Variants in FTCD observed in about 807,000 individuals in gnomAD.
FTCD encodes the protein formimidoyltransferase-cyclodeaminase.
Under a neutral mutation model 62.9 loss-of-function variants are expected in FTCD, and 76 were observed. The ratio of observed to expected loss-of-function variants is 1.21; its 90% confidence interval spans 1.00 to 1.46. The LOEUF is 1.46. Ranked by LOEUF, FTCD falls within the 40% of genes most tolerant of loss-of-function variation. The pLI is 0.00. For synonymous variants in FTCD, 397 were observed against 336.9 expected (o/e 1.18, Z -1.95); for missense variants, 845 against 751.3 (o/e 1.12, Z -1.46).
chr21:46,148,255 C>T (rs2079193921), intron 7 of FTCD, among the ~76,000 whole-genome samples: 1 of 152,102 alleles, frequency 6.6e-6, no homozygotes. Context: ...CACGTCGGCA[C>T]CCTGAGAAAA....
At position 46,145,860 on chromosome 21, in the gene FTCD, C is replaced by A. The variant is rs1467740731; in HGVS notation, c.1056G>T (p.Ala352=). The change falls in exon 9 of 14, where the codon GCG becomes GCT. Residue 352 remains alanine (A), a synonymous_variant. Coordinates refer to ENST00000397746, the MANE Select transcript of FTCD (RefSeq NM_206965.2). The stretch of plus-strand genomic sequence containing the variant: ...CCGCCACCGAGCCGCCCCCGGGGGC[C>A]GCAGAGCGGGCACCCACCTCCCCCA... The part of the protein sequence containing the change: ...AFVGEVGARS[A]APGGGSVAAA... 7.1e-6 allele frequency: 10 copies of A among 1,404,610 alleles called. No homozygotes were observed. The highest frequency in any genetic ancestry group is 9.2e-6 in the Non-Finnish European group (10 of 1,086,230). The allele number at this position is 1,404,610 out of a possible 1,614,324, so 87.0% of individuals were successfully genotyped here. A position where few individuals can be genotyped will look rare whatever the true frequency, so the allele number is the denominator to read the frequency against.
intron 10 of FTCD, chr21:46,142,251 G>A (rs910170809): frequency 6.6e-6 from 1 of 151,824 alleles, no homozygotes; most frequent in South Asian, 2.1e-4. Flanking sequence ...CTGACTTCAG[G>A]AGTGAAGCCG....
Position 46,138,526 on chromosome 21 carries a change from G to A in FTCD, c.1425C>T (p.Ala475=), listed in dbSNP as rs780933856. The change falls in exon 12 of 14, where the codon GCC becomes GCT. Residue 475 remains alanine (A), a synonymous_variant. Transcript: ENST00000397746. ...LQELARCGNL[A]CRSDLQVAAK... is the part of the protein sequence containing the mutation. The stretch of plus-strand genomic sequence containing the variant: ...CCCCTACCTGGAGGTCTGACCGGCA[G>A]GCCAGGTTCCCACACCGGGCCAGTT... 8.2e-6 allele frequency: 13 copies of A among 1,586,696 alleles called. No individual in the cohort carries two copies. The highest frequency in any genetic ancestry group is 1.3e-5 in the African/African-American group (1 of 74,702).
chr21:46,152,660 A>G lies in FTCD; in HGVS notation c.367+247T>C, dbSNP rs903776577. ...TTCTGCTCTAGAAGGCGTGGACTTT[A>G]AGGCTCTTGGTTTGCCTGTGCAGCT... is the stretch of plus-strand genomic sequence containing the variant. On this transcript the variant is annotated intron_variant, in intron 3 of 13. Coordinates refer to ENST00000397746, the MANE Select transcript of FTCD (RefSeq NM_206965.2). 3.3e-5 allele frequency: 15 copies of G among 450,732 alleles called. No homozygotes were observed. In the Admixed American group the frequency reaches 5.0e-4, roughly 15 times the overall value. 27.9% of individuals were successfully genotyped at this position (450,732 alleles called of 1,614,324 possible). A position where few individuals can be genotyped will look rare whatever the true frequency, so the allele number is the denominator to read the frequency against.
At chr21:46,152,746 A>G in intron 3 of FTCD, 161 bp downstream of exon 3, 1 of 617,688 alleles carries the variant, frequency 1.6e-6, no homozygotes, top group Non-Finnish European at 2.7e-6. Context: ...GGCTGCGTTT[A>G]TTTCGGTATT....
intron 10 of FTCD, among the ~76,000 whole-genome samples, chr21:46,139,236 T>C (rs1480319670): frequency 1.3e-5 from 2 of 152,108 alleles, no homozygotes; most frequent in Non-Finnish European, 2.9e-5. Flanking sequence ...CCTCAGAACC[T>C]GTAGGCAGGA....
chr21:46,150,399 G>C lies in FTCD; in HGVS notation c.763C>G (p.Arg255Gly), dbSNP rs140217223. 3 of 1,612,736 alleles carry C rather than the reference G, an allele frequency of 1.9e-6. No individual in the cohort carries two copies. Among genetic ancestry groups the C allele is most frequent in the African/African-American group, 1.3e-5 (1 of 74,900 alleles). Residue 255 changes from arginine (R) to glycine (G), a missense_variant, in exon 6 of 14, where the codon CGA (arginine) becomes GGA (glycine). Transcript: ENST00000397746. ...GCTCCCGGGCTCACCTGTGCTTCTC[G>C]GCAGGTCTCCTCGTAGACCGTGTGC... ...ALHTVYEETC[R>G]EAQELSLPVV...
intron 1 of FTCD, among the ~76,000 whole-genome samples, chr21:46,154,676 G>A (rs958123046): frequency 2.6e-5 from 4 of 152,218 alleles, no homozygotes; most frequent in African/African-American, 4.8e-5. Context: ...CAGAGGGGCC[G>A]GGACCCCCAC....
chr21:46,136,339 G>A, downstream of FTCD: 5 of 1,152,220 alleles, frequency 4.3e-6, no homozygotes, highest in East Asian at 2.5e-5. Context: ...GAGGCAGGGA[G>A]GAAAAGTCTC....
chr21:46,151,868 C>T (rs574574063), intron 4 of FTCD, 24 bp downstream of exon 4: 1 of 1,553,506 alleles, frequency 6.4e-7, no homozygotes, highest in Non-Finnish European at 8.7e-7. Context: ...CCTTCCCAGG[C>T]CCGACCGCCC....
At chr21:46,141,716 TAAA>T (rs111415592) in intron 10 of FTCD, among the ~76,000 whole-genome samples, 1 of 145,184 alleles carries the variant, frequency 6.9e-6, no homozygotes, top group African/African-American at 2.5e-5. Flanking sequence ...CCTCCCCTAT[TAAA>T]AAAAAAAAAT....
chr21:46,138,870 C>G lies in FTCD; in HGVS notation c.1304+10G>C. On this transcript the variant is annotated intron_variant, in intron 11 of 13. Transcript: ENST00000397746. ...AGAGGCCCACGGTGCGGCCGGCCCTCCAGGCTCACCTGTCCTTTTCCTCAG... is the reference window on the plus strand; with the variant it reads ...AGAGGCCCACGGTGCGGCCGGCCCTGCAGGCTCACCTGTCCTTTTCCTCAG... 6.2e-7 allele frequency: 1 copy of G among 1,610,010 alleles called. No individual in the cohort carries two copies. Among genetic ancestry groups the G allele is most frequent in the South Asian group, 1.1e-5 (1 of 91,016 alleles).
intron 10 of FTCD, 72 bp downstream of exon 10, chr21:46,145,345 T>C: frequency 7.7e-7 from 1 of 1,302,368 alleles, no homozygotes; most frequent in South Asian, 1.4e-5. Flanking sequence ...GCTGACCCGC[T>C]TCTCACTGGG....
chr21:46,149,434 A>G (rs568467508), intron 7 of FTCD, among the ~76,000 whole-genome samples: 23 of 152,364 alleles, frequency 1.5e-4, no homozygotes, highest in Non-Finnish European at 3.1e-4. Flanking sequence ...ACAAGTCACG[A>G]GAGCTAAATC....
At chr21:46,146,718 A>C in intron 7 of FTCD, 2 of 278,148 alleles carry the variant, frequency 7.2e-6, no homozygotes, top group Non-Finnish European at 1.4e-5. Flanking sequence ...CACATCTAAC[A>C]AGTCCTCAAA....
At chr21:46,152,827 A>C (rs1444167593) in intron 3 of FTCD, 80 bp downstream of exon 3, 1 of 1,236,972 alleles carries the variant, frequency 8.1e-7, no homozygotes, top group African/African-American at 1.5e-5. Flanking sequence ...AAGGGCAGGG[A>C]ACTGGGGGAT....
rs1861317875 is a variant in FTCD, at chr21:46,138,611, G to GC, written c.1339dup (p.Ala447GlyfsTer65). 6.3e-7 allele frequency: 1 copy of GC among 1,592,412 alleles called. No individual in the cohort carries two copies. The highest frequency in any genetic ancestry group is 8.5e-7 in the Non-Finnish European group (1 of 1,176,474). ...CGCCAGCGTCAGCGGCACAGAGACT[G>GC]CCCGCCTCAGACCCTCCTGTAGGGC... On this transcript the variant is annotated frameshift_variant, in exon 12 of 14. Transcript: ENST00000397746. LOFTEE classifies it high-confidence loss of function.
At position 46,151,620 on chromosome 21, in the gene FTCD, T is replaced by G. The variant is rs769844698; in HGVS notation, c.574A>C (p.Thr192Pro). 6 of 1,613,082 alleles carry G rather than the reference T, an allele frequency of 3.7e-6. No homozygotes were observed. The highest frequency in any genetic ancestry group is 5.1e-6 in the Non-Finnish European group (6 of 1,179,968). ...LIAFNINLLG[T>P]KEQAHRIALN... ...GCGATGCGGTGGGCTTGCTCCTTTG[T>G]GCCGAGCAGGTTGATGTTAAAAGCA... Residue 192 changes from threonine to proline, a missense_variant, in exon 5 of 14, where the codon ACA (threonine) becomes CCA (proline). Thr to Pro is a conservative substitution (Grantham distance 38). Coordinates refer to ENST00000397746, the MANE Select transcript of FTCD (RefSeq NM_206965.2).
intron 2 of FTCD, 108 bp downstream of exon 2, chr21:46,154,041 C>T (rs1023171511): frequency 8.5e-6 from 10 of 1,170,340 alleles, no homozygotes; most frequent in Admixed American, 3.4e-5. Context: ...CTGGACCCCA[C>T]GTTCCAAGCC....
Sources: gnomAD v4.1 joint callset for allele counts (sites outside exome capture counted in the v4.1 genomes callset) on GRCh38, gnomAD v4.1.1 for gene constraint, MANE v1.5 for transcripts, NCBI Gene and HGNC (gene_info 2026-07-23, HGNC 2026-07-21) for gene names.